NAALADL2: variants seen among roughly 807,000 people sequenced by gnomAD.
NAALADL2 encodes inactive N-acetylated-alpha-linked acidic dipeptidase-like protein 2.
NAALADL2 carries 76 observed loss-of-function variants against 87.2 expected under a neutral mutation model. The observed-to-expected ratio is 0.87, with a 90% CI of 0.72 to 1.05. NAALADL2 has a LOEUF of 1.05. Among genes scored for constraint, NAALADL2 ranks in the 50% least tolerant of loss-of-function variants. NAALADL2 has a pLI of 0.00. For missense variants in NAALADL2, 1,089 were observed against 945.8 expected (o/e 1.15, Z -1.99); for synonymous variants, 354 against 331.0 (o/e 1.07, Z -0.75).
chr3:175,098,574 T>C lies in NAALADL2; in HGVS notation c.545+1283T>C, dbSNP rs966421680. On this transcript the variant is annotated intron_variant, in intron 2 of 13. Transcript: ENST00000454872. ...GAGGGAAATACCTCAGCTTCTCTTT[T>C]ACTCCTGCCACTAAGTGTCCTAGCA... 4.6e-5 allele frequency among the ~76,000 whole-genome samples: 7 copies of C among 152,298 alleles called. No individual in the cohort carries two copies. In the East Asian group the frequency reaches 7.7e-4, roughly 17 times the overall value.
chr3:174,812,755 G>A (rs1720357722), intron 3 of NAALADL2, among the ~76,000 whole-genome samples: 1 of 151,554 alleles, frequency 6.6e-6, no homozygotes, highest in Non-Finnish European at 1.5e-5. Context: ...GCTAATGTGT[G>A]TATTTGTGTC....
At chr3:175,262,921 C>A (rs1305572635) in intron 4 of NAALADL2, among the ~76,000 whole-genome samples, 1 of 150,874 alleles carries the variant, frequency 6.6e-6, no homozygotes, top group African/African-American at 2.4e-5. Context: ...CAAACACTAT[C>A]TTGGTACTTT....
At chr3:175,114,003 C>T (rs1441220015) in intron 2 of NAALADL2, among the ~76,000 whole-genome samples, 1 of 151,608 alleles carries the variant, frequency 6.6e-6, no homozygotes, top group Non-Finnish European at 1.5e-5. Flanking sequence ...GTTACTTTGT[C>T]TCAAGTTTGT....
At chr3:175,085,450 G>A (rs958153879) in intron 1 of NAALADL2, among the ~76,000 whole-genome samples, 2 of 152,008 alleles carry the variant, frequency 1.3e-5, no homozygotes, top group Non-Finnish European at 2.9e-5. Context: ...TAAAGGTTAT[G>A]CTCCTTTTTT....
At chr3:174,728,665 C>T (rs1373218090) in intron 2 of NAALADL2, among the ~76,000 whole-genome samples, 1 of 151,966 alleles carries the variant, frequency 6.6e-6, no homozygotes, top group Non-Finnish European at 1.5e-5. Context: ...TCCCATTTCA[C>T]ATATGAGGAA....
chr3:175,787,343 G>A (rs1025936367), intron 13 of NAALADL2, among the ~76,000 whole-genome samples: 1 of 152,146 alleles, frequency 6.6e-6, no homozygotes, highest in Admixed American at 6.5e-5. Context: ...ATCTCAGACT[G>A]CTGTGCTAGC....
intron 2 of NAALADL2, among the ~76,000 whole-genome samples, chr3:175,105,634 TACACACAGACACACAC>T (rs1722990837): frequency 9.5e-6 from 1 of 104,912 alleles, no homozygotes; most frequent in Non-Finnish European, 1.9e-5. Context: ...TATTTGAGAA[TACACACAGACACACAC>T]ACACACACAC....
At chr3:174,475,805 T>G (rs1717175826) in intron 1 of NAALADL2, among the ~76,000 whole-genome samples, 1 of 152,020 alleles carries the variant, frequency 6.6e-6, no homozygotes, top group African/African-American at 2.4e-5. Flanking sequence ...CAAAACACAT[T>G]TAATGAGTTC....
intron 1 of NAALADL2, among the ~76,000 whole-genome samples, chr3:174,450,869 CAA>C (rs761513802): frequency 0.065 from 4,853 of 74,430 alleles, 48 homozygotes; most frequent in African/African-American, 0.11. Context: ...GACTCTGTCT[CAA>C]AAAAAAAAAA....
chr3:174,573,088 T>C (rs79507036), intron 2 of NAALADL2, among the ~76,000 whole-genome samples: 2,991 of 152,244 alleles, frequency 0.02, 109 homozygotes, highest in African/African-American at 0.067. Context: ...CACTACCTAC[T>C]GTATGTATGT....
At chr3:174,838,850 AC>A (rs1387624656) in intron 3 of NAALADL2, among the ~76,000 whole-genome samples, 1 of 152,208 alleles carries the variant, frequency 6.6e-6, no homozygotes, top group Non-Finnish European at 1.5e-5. Flanking sequence ...ATCATAGACG[AC>A]ACAAGCAAAT....
At position 175,490,190 on chromosome 3, in the gene NAALADL2, C is replaced by G. The variant is rs117848208; in HGVS notation, c.1653+18432C>G. 8.5e-5 allele frequency among the ~76,000 whole-genome samples: 13 copies of G among 152,174 alleles called. No homozygotes were observed. The East Asian group carries it at 2.5e-3, about 29-fold the overall frequency. On this transcript the variant is annotated intron_variant, in intron 9 of 13. Transcript: ENST00000454872. The stretch of plus-strand genomic sequence containing the variant: ...CCTTTGAGAGTGCTGGGAAAGATAG[C>G]CCTTCTTTGCTGTAATGGTGTGAAG...
intron 1 of NAALADL2, among the ~76,000 whole-genome samples, chr3:175,022,058 G>T (rs4550829): frequency 1.3e-5 from 2 of 151,732 alleles, no homozygotes; most frequent in Admixed American, 1.3e-4. Context: ...GGTACCTCCT[G>T]CTTCTCTCTT....
intron 1 of NAALADL2, among the ~76,000 whole-genome samples, chr3:175,011,815 G>T (rs2108808432): frequency 6.6e-6 from 1 of 152,218 alleles, no homozygotes; most frequent in Admixed American, 6.5e-5. Context: ...TCTCCCAGCA[G>T]ACTATCTTGA....
At chr3:174,612,613 A>C (rs1056736417) in intron 2 of NAALADL2, among the ~76,000 whole-genome samples, 8 of 152,120 alleles carry the variant, frequency 5.3e-5, no homozygotes, top group Non-Finnish European at 1.2e-4. Context: ...TTGCATTTTT[A>C]GCTCCAGAAT....
chr3:175,309,827 A>G (rs905826638), intron 4 of NAALADL2, among the ~76,000 whole-genome samples: 2 of 152,164 alleles, frequency 1.3e-5, no homozygotes, highest in Admixed American at 1.3e-4. Flanking sequence ...CCTCCTTTGA[A>G]TCTGCTAGTC....
At chr3:175,792,809 GTC>G (rs982792167) in intron 13 of NAALADL2, among the ~76,000 whole-genome samples, 5 of 152,270 alleles carry the variant, frequency 3.3e-5, no homozygotes, top group African/African-American at 1.2e-4. Context: ...GTTTCTTTCA[GTC>G]TCTCAGCTCT....
At chr3:174,714,440 A>C (rs148094434) in intron 2 of NAALADL2, among the ~76,000 whole-genome samples, 1,724 of 152,210 alleles carry the variant, frequency 0.011, 34 homozygotes, top group African/African-American at 0.039. Context: ...TGAGCATGGA[A>C]TGTTCTTCCA....
chr3:174,530,367 C>T (rs1721129068), intron 1 of NAALADL2, among the ~76,000 whole-genome samples: 1 of 152,146 alleles, frequency 6.6e-6, no homozygotes, highest in African/African-American at 2.4e-5. Context: ...TTGGTCAAAG[C>T]CATTCAAGTC....
Sources: allele counts gnomAD v4.1 joint callset (sites outside exome capture counted in the v4.1 genomes callset), GRCh38; gene constraint gnomAD v4.1.1; transcripts MANE v1.5; gene names NCBI Gene and HGNC (gene_info 2026-07-23, HGNC 2026-07-21).